Variants in CSMD2 observed in about 807,000 individuals in gnomAD.
CSMD2 encodes the protein CUB and Sushi multiple domains 2.
In CSMD2, 130 loss-of-function variants were observed where a neutral mutation model predicts 398.5. The ratio of observed to expected loss-of-function variants is 0.33; its 90% CI spans 0.28 to 0.38. The LOEUF (loss-of-function observed/expected upper bound fraction) is 0.38, where lower values mean the gene tolerates loss of function less well. Among genes scored for constraint, CSMD2 ranks in the 10% least tolerant of loss-of-function variants. The pLI, the probability that CSMD2 is intolerant of heterozygous loss-of-function variation, is 1.00. For missense variants in CSMD2, 3,829 were observed against 4,764.9 expected, an observed-to-expected ratio of 0.80 and a Z score of 5.78; for synonymous variants, 1,828 against 1,908.5, an observed-to-expected ratio of 0.96 and a Z score of 1.10.
Position 33,583,718 on chromosome 1 carries a change from C to T in CSMD2, c.7164G>A (p.Glu2388=), listed in dbSNP as rs757273147. The change falls in exon 47 of 71, where the codon GAG becomes GAA. Residue 2388 remains glutamate, a synonymous_variant. Coordinates refer to ENST00000373381, the MANE Select transcript of CSMD2 (RefSeq NM_001281956.2). The part of the protein sequence containing the change: ...FQTCSWLVRV[E]PDYNISLTVE... ...CTGTGAGGGAGATGTTATAGTCGGGCTCCACTCTCACCAGCCAAGAGCAGG... is the reference window on the plus strand; with the variant it reads ...CTGTGAGGGAGATGTTATAGTCGGGTTCCACTCTCACCAGCCAAGAGCAGG... 1 of 1,614,212 alleles carries T rather than the reference C, an allele frequency of 6.2e-7. No individual in the cohort carries two copies. The highest frequency in any genetic ancestry group is 1.7e-5 in the Admixed American group (1 of 60,034).
At chr1:34,117,222 A>G (rs1250727988) in intron 1 of CSMD2, among the ~76,000 whole-genome samples, 3 of 152,094 alleles carry the variant, frequency 2.0e-5, no homozygotes, top group Non-Finnish European at 4.4e-5. Flanking sequence ...TCTTAGTTAG[A>G]CTAGCTTAGA....
At chr1:33,782,354 G>A (rs1652889724) in intron 12 of CSMD2, among the ~76,000 whole-genome samples, 1 of 152,182 alleles carries the variant, frequency 6.6e-6, no homozygotes, top group Non-Finnish European at 1.5e-5. Flanking sequence ...AAGGGAGTAA[G>A]CTTCCAACTG....
intron 3 of CSMD2, among the ~76,000 whole-genome samples, chr1:34,008,239 T>C (rs1447278462): frequency 1.3e-5 from 2 of 152,298 alleles, no homozygotes; most frequent in Admixed American, 6.5e-5. Context: ...AAGTACCCTG[T>C]GAAGAAGGCA....
rs780273627 is a variant in CSMD2, at chr1:33,546,052, G to T, written c.9085C>A (p.Gln3029Lys). Residue 3029 changes from glutamine (Q) to lysine (K), a missense_variant, in exon 57 of 71, where the codon CAG becomes AAG. By Grantham distance (53) the Gln-to-Lys change is moderately conservative. This residue lies in a region of CSMD2 where 917 missense variants were observed against 1,199.5 expected (regional missense o/e 0.76). Coordinates refer to ENST00000373381, the MANE Select transcript of CSMD2 (RefSeq NM_001281956.2). The part of the protein sequence containing the change: ...CQANGSWSGS[Q>K]PECGVISCGN... ...CATACATTACCTCCACACTCAGGCT[G>T]CGAGCCGCTCCACGAGCCATTGGCT... is the stretch of plus-strand genomic sequence containing the variant. 6.2e-7 allele frequency: 1 copy of T among 1,613,234 alleles called. No individual in the cohort carries two copies. The highest frequency in any genetic ancestry group is 8.5e-7 in the Non-Finnish European group (1 of 1,179,480).
At chr1:33,629,574 A>G (rs1270521447) in intron 32 of CSMD2, among the ~76,000 whole-genome samples, 1 of 152,182 alleles carries the variant, frequency 6.6e-6, no homozygotes, top group African/African-American at 2.4e-5. Flanking sequence ...CATCAAATAG[A>G]AAAACAAAAT....
chr1:33,932,727 T>G (rs1048817588), intron 4 of CSMD2, among the ~76,000 whole-genome samples: 2 of 152,124 alleles, frequency 1.3e-5, no homozygotes, highest in African/African-American at 4.8e-5. Flanking sequence ...CAAAAAGATA[T>G]GTTAACATCC....
At chr1:33,564,795 C>T (rs576457809) in intron 53 of CSMD2, among the ~76,000 whole-genome samples, 53 of 151,504 alleles carry the variant, frequency 3.5e-4, no homozygotes, top group African/African-American at 1.3e-3. Context: ...GGCCCCATCC[C>T]ATATATAAAA....
At chr1:33,980,831 C>G (rs189473251) in intron 3 of CSMD2, among the ~76,000 whole-genome samples, 15 of 152,278 alleles carry the variant, frequency 9.9e-5, no homozygotes, top group East Asian at 1.9e-4. Context: ...ATAATCTGAT[C>G]TTGTCTCTCT....
At chr1:33,541,049 T>G (rs1408099010) in intron 59 of CSMD2, 81 bp downstream of exon 59, 1 of 1,438,274 alleles carries the variant, frequency 7.0e-7, no homozygotes, top group Non-Finnish European at 9.6e-7. Flanking sequence ...CCCCTCTCCC[T>G]TCTAGAGAGA....
chr1:33,760,883 C>T (rs1384984196), intron 13 of CSMD2, among the ~76,000 whole-genome samples: 2 of 152,042 alleles, frequency 1.3e-5, no homozygotes, highest in Non-Finnish European at 2.9e-5. Context: ...GGTGTCTCCC[C>T]ACTTCTCCCT....
At chr1:33,913,275 C>T (rs750385107) in intron 5 of CSMD2, among the ~76,000 whole-genome samples, 4 of 152,200 alleles carry the variant, frequency 2.6e-5, no homozygotes, top group Non-Finnish European at 4.4e-5. Context: ...TCCAGTCTCA[C>T]CCAGAGACTC....
At chr1:33,578,977 T>G (rs768057783) in intron 48 of CSMD2, among the ~76,000 whole-genome samples, 3 of 152,200 alleles carry the variant, frequency 2.0e-5, no homozygotes, top group Non-Finnish European at 4.4e-5. Flanking sequence ...GAATCTCGGT[T>G]GTAAAATATA....
At chr1:33,761,899 T>C (rs1649860532) in intron 13 of CSMD2, among the ~76,000 whole-genome samples, 2 of 152,188 alleles carry the variant, frequency 1.3e-5, no homozygotes, top group South Asian at 4.1e-4. Context: ...GAGTCTGATC[T>C]AAGTCCCAGA....
At chr1:33,620,071 G>C (rs1641667703) in intron 37 of CSMD2, among the ~76,000 whole-genome samples, 4 of 152,128 alleles carry the variant, frequency 2.6e-5, no homozygotes, top group Admixed American at 2.6e-4. Flanking sequence ...AAAAATGGAG[G>C]GGGATATAGA....
At chr1:33,583,316 A>C (rs1217915268) in intron 47 of CSMD2, among the ~76,000 whole-genome samples, 1 of 152,194 alleles carries the variant, frequency 6.6e-6, no homozygotes, top group Admixed American at 6.5e-5. Flanking sequence ...TGTTTGGTAG[A>C]TCTCTGGGTT....
intron 62 of CSMD2, among the ~76,000 whole-genome samples, chr1:33,534,887 C>T (rs2641952): frequency 0.61 from 92,130 of 152,034 alleles, 28,212 homozygotes; most frequent in African/African-American, 0.69. Context: ...AAATGTATCC[C>T]GAACAAGCGT....
At chr1:33,813,423 T>C (rs1420956727) in intron 9 of CSMD2, among the ~76,000 whole-genome samples, 3 of 152,150 alleles carry the variant, frequency 2.0e-5, no homozygotes, top group Non-Finnish European at 4.4e-5. Flanking sequence ...GATAGAAAGT[T>C]CATCACAGTG....
chr1:34,068,588 T>A (rs542955073), intron 2 of CSMD2, among the ~76,000 whole-genome samples: 2 of 152,338 alleles, frequency 1.3e-5, no homozygotes, highest in East Asian at 3.9e-4. Flanking sequence ...TTTTTTAACT[T>A]AAACATTTTT....
intron 6 of CSMD2, among the ~76,000 whole-genome samples, chr1:33,828,391 A>G (rs758076588): frequency 1.1e-4 from 17 of 152,228 alleles, no homozygotes; most frequent in Non-Finnish European, 1.6e-4. Context: ...GCATCAGGGC[A>G]GCAGTGGGTG....
Sources: allele counts gnomAD v4.1 joint callset (sites outside exome capture counted in the v4.1 genomes callset), GRCh38; gene constraint gnomAD v4.1.1; regional missense constraint gnomAD v4.1.1; transcripts MANE v1.5; gene names NCBI Gene and HGNC (gene_info 2026-07-23, HGNC 2026-07-21).